Variants in UNC13B observed in about 807,000 individuals in gnomAD.
UNC13B encodes unc-13 homolog B, also known as protein unc-13 homolog B.
A neutral mutation model predicts 211.0 loss-of-function variants in UNC13B; 144 were observed. That is an observed-to-expected ratio of 0.68 (90% CI 0.60 to 0.78). The LOEUF (loss-of-function observed/expected upper bound fraction) is 0.78, where lower values mean the gene tolerates loss of function less well. Among genes scored for constraint, UNC13B ranks in the 30% least tolerant of loss-of-function variants. UNC13B has a pLI of 0.00. For missense variants in UNC13B, 1,777 were observed against 2,002.0 expected, an observed-to-expected ratio of 0.89 and a Z score of 2.14; for synonymous variants, 709 against 725.8, an observed-to-expected ratio of 0.98 and a Z score of 0.37.
chr9:35,318,536 AT>A (rs1265242265), intron 11 of UNC13B, among the ~76,000 whole-genome samples: 1 of 152,240 alleles, frequency 6.6e-6, no homozygotes, highest in African/African-American at 2.4e-5. Flanking sequence ...TATACAAAAG[AT>A]GGTATATTAT....
chr9:35,186,146 G>A (rs1564055075), intron 1 of UNC13B, among the ~76,000 whole-genome samples: 1 of 152,050 alleles, frequency 6.6e-6, no homozygotes, highest in Non-Finnish European at 1.5e-5. Context: ...TGTTAAGACT[G>A]ACAAAACATG....
At chr9:35,352,379 A>G (rs1832771357) in intron 11 of UNC13B, 4 of 1,232,188 alleles carry the variant, frequency 3.2e-6, no homozygotes, top group Non-Finnish European at 4.0e-6. Context: ...TAGAGACTTC[A>G]TCTTGCAGAA....
intron 1 of UNC13B, among the ~76,000 whole-genome samples, chr9:35,200,246 G>A (rs9695056): frequency 1.3e-5 from 2 of 152,056 alleles, no homozygotes; most frequent in African/African-American, 4.8e-5. Flanking sequence ...TAGCCTTGTA[G>A]TATAGTTTGA....
At chr9:35,274,424 T>C (rs1020076276) in intron 7 of UNC13B, among the ~76,000 whole-genome samples, 1 of 152,160 alleles carries the variant, frequency 6.6e-6, no homozygotes, top group Admixed American at 6.5e-5. Flanking sequence ...TTAATCCATG[T>C]TCCTAATAAT....
intron 1 of UNC13B, among the ~76,000 whole-genome samples, chr9:35,168,726 G>A (rs1359540741): frequency 7.2e-6 from 1 of 138,848 alleles, no homozygotes; most frequent in Admixed American, 7.6e-5. Context: ...TTTTGATACA[G>A]GGTCTCACTC....
chr9:35,333,864 A>C (rs1356578053), intron 11 of UNC13B, among the ~76,000 whole-genome samples: 1 of 152,246 alleles, frequency 6.6e-6, no homozygotes, highest in Admixed American at 6.5e-5. Flanking sequence ...AATTGGGCTA[A>C]TATGCTGGAG....
chr9:35,384,754 G>A (rs1456073185), intron 22 of UNC13B: 2 of 978,176 alleles, frequency 2.0e-6, no homozygotes, highest in Admixed American at 6.2e-5. Context: ...CAAGTAATCT[G>A]TATCAGAGAG....
chr9:35,393,903 G>A (rs981861529), intron 26 of UNC13B, among the ~76,000 whole-genome samples: 16 of 152,100 alleles, frequency 1.1e-4, no homozygotes, highest in Admixed American at 9.8e-4. Context: ...GTAGCTGGGA[G>A]CCACTGACAT....
chr9:35,351,358 A>G, intron 11 of UNC13B: 1 of 1,226,686 alleles, frequency 8.2e-7, no homozygotes, highest in African/African-American at 1.6e-5. Context: ...ACATGGGGCC[A>G]TTCCAGGCAG....
Position 35,270,709 on chromosome 9 carries a change from C to T in UNC13B, c.526+11659C>T, listed in dbSNP as rs892225047. ...CCTATATTCAAATATCCCCAGTTTT[C>T]CCCCAAACTTTCTTGTCCTTTTTGC... On this transcript the variant is annotated intron_variant, in intron 7 of 39. Transcript: ENST00000635942. 4.6e-5 allele frequency among the ~76,000 whole-genome samples: 7 copies of T among 152,260 alleles called. No individual in the cohort carries two copies. In the East Asian group the frequency reaches 5.8e-4, roughly 13 times the overall value.
intron 11 of UNC13B, among the ~76,000 whole-genome samples, chr9:35,324,441 T>C (rs781701645): frequency 3.9e-5 from 6 of 152,226 alleles, no homozygotes; most frequent in Non-Finnish European, 7.4e-5. Context: ...TGCAGACTTA[T>C]TTGACCATGA....
chr9:35,396,722 CAAAG>C (rs1564196356), intron 27 of UNC13B, 115 bp from the exon 28 acceptor site: 4 of 1,596,436 alleles, frequency 2.5e-6, no homozygotes, highest in East Asian at 4.5e-5. Flanking sequence ...CCACCGTAGA[CAAAG>C]AAAAGTGTTA....
intron 6 of UNC13B, among the ~76,000 whole-genome samples, chr9:35,254,209 T>C (rs1473826886): frequency 4.6e-5 from 7 of 152,194 alleles, no homozygotes; most frequent in Non-Finnish European, 2.9e-5. Context: ...AGAAGTGCTA[T>C]AGGGGATTTC....
rs148828097 is a variant in UNC13B, at chr9:35,295,863, T to A, written c.694T>A (p.Ser232Thr). 70 of 1,614,156 alleles carry A rather than the reference T, an allele frequency of 4.3e-5. No homozygotes were observed. Among genetic ancestry groups the A allele is most frequent in the Middle Eastern group, 1.6e-4 (1 of 6,062 alleles). The change falls in exon 8 of 40, where the codon TCC becomes ACC. Residue 232 changes from serine to threonine, a missense_variant. Transcript: ENST00000635942. ...SPQQLLLQGS[S>T]RDSCNDSMQS... ...ACAGCAGCTGCTACTTCAAGGCAGT[T>A]CCCGGGACTCTTGTAATGACTCTAT...
Position 35,247,010 on chromosome 9 carries a change from A to G in UNC13B, c.468+3646A>G, listed in dbSNP as rs1379727960. Among the ~76,000 whole-genome samples, 6 of 152,036 alleles carry G rather than the reference A, an allele frequency of 3.9e-5. No individual in the cohort carries two copies. The East Asian group carries it at 5.8e-4, about 15-fold the overall frequency. On this transcript the variant is annotated intron_variant, in intron 6 of 39. Transcript: ENST00000635942. ...GCATGGAATGTTCTTCCATTTGTTT[A>G]TATCCTTTTTTATTTTGTTGAGCAG...
At chr9:35,190,647 T>A (rs1372906603) in intron 1 of UNC13B, among the ~76,000 whole-genome samples, 1 of 152,094 alleles carries the variant, frequency 6.6e-6, no homozygotes, top group African/African-American at 2.4e-5. Flanking sequence ...CATATGTGCA[T>A]TAAGAGTGGC....
At chr9:35,358,131 A>G (rs970828074) in intron 11 of UNC13B, among the ~76,000 whole-genome samples, 2 of 152,232 alleles carry the variant, frequency 1.3e-5, no homozygotes, top group African/African-American at 4.8e-5. Context: ...TTTCACTCTG[A>G]AATTTCACTC....
At position 35,304,409 on chromosome 9, in the gene UNC13B, G is replaced by A. The variant is rs1829830254; in HGVS notation, c.5005G>A (p.Gly1669Ser). Residue 1669 changes from glycine to serine, a missense_variant, in exon 9 of 40, where the codon GGT becomes AGT. Physicochemically the swap from Gly to Ser is moderately conservative, Grantham distance 56 (BLOSUM62 0). Transcript: ENST00000635942. ...TAGATCTTTCAAAGAAAGGCCGTGT[G>A]GTTCTGAAGACGCTGAATGTACATT... ...DFRSFKERPC[G>S]SEDAECTLDL... 2.5e-6 allele frequency: 1 copy of A among 398,474 alleles called. No individual in the cohort carries two copies. Among genetic ancestry groups the A allele is most frequent in the Non-Finnish European group, 4.4e-6 (1 of 225,898 alleles). 24.7% of individuals were successfully genotyped at this position (398,474 alleles called of 1,614,324 possible).
intron 1 of UNC13B, among the ~76,000 whole-genome samples, chr9:35,183,882 G>T (rs1822161967): frequency 6.9e-6 from 1 of 144,076 alleles, no homozygotes; most frequent in African/African-American, 2.6e-5. Flanking sequence ...CTCCCAGACG[G>T]GGTGGTGGCC....
Sources: gnomAD v4.1 joint callset for allele counts (sites outside exome capture counted in the v4.1 genomes callset) on GRCh38, gnomAD v4.1.1 for gene constraint, MANE v1.5 for transcripts, NCBI Gene and HGNC (gene_info 2026-07-23, HGNC 2026-07-21) for gene names.